TPTE: variants seen among roughly 807,000 people sequenced by gnomAD.
TPTE encodes the protein transmembrane phosphatase with tensin homology.
A neutral mutation model predicts 84.1 loss-of-function variants in TPTE; 59 were observed. The observed-to-expected ratio is 0.70, with a 90% CI of 0.57 to 0.87. TPTE has a LOEUF of 0.87. Among genes scored for constraint, TPTE ranks in the 40% least tolerant of loss-of-function variants. The probability of loss-of-function intolerance (pLI) is 0.00; values close to 1 mark genes in which losing one functional copy is unlikely to be tolerated. For synonymous variants in TPTE, 130 were observed against 223.5 expected (o/e 0.58, Z 3.73); for missense variants, 382 against 659.6 (o/e 0.58, Z 4.61).
chr21:10,561,253 G>C, intron 10 of TPTE, 62 bp downstream of exon 10: 1 of 1,595,622 alleles, frequency 6.3e-7, no homozygotes, highest in Non-Finnish European at 8.5e-7. Flanking sequence ...AAGCACTTTC[G>C]GAGGCTGAGG....
intron 17 of TPTE, among the ~76,000 whole-genome samples, chr21:10,580,838 A>C (rs1194240789): frequency 6.6e-6 from 1 of 152,312 alleles, no homozygotes; most frequent in Non-Finnish European, 1.5e-5. Context: ...GATACGAAGA[A>C]GTTGACATTG....
Position 10,561,347 on chromosome 21 carries a change from C to T in TPTE, c.446+156C>T, listed in dbSNP as rs1428026531. Among the ~76,000 whole-genome samples the T allele has an allele frequency of 4.6e-5, 7 of 152,420 alleles. No individual in the cohort carries two copies. The East Asian group carries it at 1.2e-3, about 25-fold the overall frequency. On this transcript the variant is annotated intron_variant, in intron 10 of 23. Transcript: ENST00000618007. The stretch of plus-strand genomic sequence containing the variant: ...TCTCTACTAAAAATACAAAAATTAG[C>T]TGGGCATGGTGGTGGTTGCCTGTAA...
chr21:10,573,028 A>T (rs1461868065), intron 14 of TPTE, among the ~76,000 whole-genome samples: 1 of 152,308 alleles, frequency 6.6e-6, no homozygotes, highest in Non-Finnish European at 1.5e-5. Context: ...CAAATTCCCA[A>T]TTAAAAGATA....
intron 3 of TPTE, among the ~76,000 whole-genome samples, chr21:10,528,898 G>A (rs1216560992): frequency 2.0e-5 from 3 of 152,306 alleles, no homozygotes; most frequent in African/African-American, 7.2e-5. Context: ...TGTCAAAAGT[G>A]TTTTCTGGCT....
intron 8 of TPTE, among the ~76,000 whole-genome samples, chr21:10,555,373 A>C (rs1392657774): frequency 6.6e-6 from 1 of 152,290 alleles, no homozygotes; most frequent in Non-Finnish European, 1.5e-5. Context: ...CGCCCAGCTA[A>C]TTTTTTGTAT....
chr21:10,523,606 G>A (rs945052905), intron 1 of TPTE, among the ~76,000 whole-genome samples: 13 of 152,294 alleles, frequency 8.5e-5, no homozygotes, highest in African/African-American at 3.1e-4. Context: ...TTTCATCCAT[G>A]TCCCTACAAA....
chr21:10,587,641 C>G (rs1304775893), intron 17 of TPTE, among the ~76,000 whole-genome samples: 4 of 152,308 alleles, frequency 2.6e-5, no homozygotes, highest in Non-Finnish European at 5.9e-5. Flanking sequence ...CCTCCACCTC[C>G]CAGGTTCAAG....
At chr21:10,533,936 T>G (rs891121149) in intron 3 of TPTE, among the ~76,000 whole-genome samples, 3 of 152,308 alleles carry the variant, frequency 2.0e-5, no homozygotes, top group Non-Finnish European at 4.4e-5. Context: ...AAAATGGAAG[T>G]GAGGTCCAGA....
intron 7 of TPTE, among the ~76,000 whole-genome samples, chr21:10,548,598 TC>T (rs1425687919): frequency 2.0e-5 from 3 of 152,304 alleles, no homozygotes; most frequent in African/African-American, 7.2e-5. Context: ...CAGACACATA[TC>T]CAGGACAGCT....
intron 7 of TPTE, among the ~76,000 whole-genome samples, chr21:10,544,863 A>G (rs2074436188): frequency 1.3e-5 from 2 of 152,428 alleles, no homozygotes; most frequent in Admixed American, 6.5e-5. Flanking sequence ...AGAAACAGTA[A>G]CTTGGGGATT....
At chr21:10,529,797 GT>G (rs1277056701) in intron 3 of TPTE, among the ~76,000 whole-genome samples, 3 of 152,308 alleles carry the variant, frequency 2.0e-5, no homozygotes, top group African/African-American at 7.2e-5. Context: ...TTCAGTCTAT[GT>G]TAAAACTATT....
Position 10,526,199 on chromosome 21 carries a change from T to TC in TPTE, c.-101-1155dup, listed in dbSNP as rs2074075601. Reference sequence around the variant, plus strand: ...ACCTGGATGAATTTCCAGGAGCCATTCAAGGACATGAGAACACCCACTTAG... The same window carrying TC: ...ACCTGGATGAATTTCCAGGAGCCATTCCAAGGACATGAGAACACCCACTTAG... On this transcript the variant is annotated intron_variant, in intron 2 of 23. Transcript: ENST00000618007. 2.0e-5 allele frequency among the ~76,000 whole-genome samples: 3 copies of TC among 152,310 alleles called. No individual in the cohort carries two copies. In the South Asian group the frequency reaches 6.2e-4, roughly 31 times the overall value.
chr21:10,562,283 G>C (rs1422374808), intron 10 of TPTE, among the ~76,000 whole-genome samples: 9 of 152,300 alleles, frequency 5.9e-5, no homozygotes, highest in Non-Finnish European at 1.2e-4. Flanking sequence ...AACAAGCCCT[G>C]ACAGTGAAAA....
chr21:10,521,961 AT>A (rs1024815580), intron 1 of TPTE, among the ~76,000 whole-genome samples: 16 of 137,494 alleles, frequency 1.2e-4, no homozygotes, highest in African/African-American at 4.2e-4. Flanking sequence ...GCTCCTCCTC[AT>A]TCAAACCCGG....
At chr21:10,541,813 TAGG>T (rs1185766279) in intron 5 of TPTE, among the ~76,000 whole-genome samples, 4 of 152,404 alleles carry the variant, frequency 2.6e-5, no homozygotes, top group Middle Eastern at 3.4e-3. Flanking sequence ...GAGGAGGAGG[TAGG>T]AGTACTTGGG....
chr21:10,596,279 G>A (rs1246152166), intron 20 of TPTE, among the ~76,000 whole-genome samples, 192 bp downstream of exon 20: 2 of 152,308 alleles, frequency 1.3e-5, no homozygotes, highest in Non-Finnish European at 2.9e-5. Flanking sequence ...GCCCTTAGAT[G>A]TTCTTCACTT....
chr21:10,558,663 T>C (rs2074731588), intron 8 of TPTE, among the ~76,000 whole-genome samples: 1 of 152,302 alleles, frequency 6.6e-6, no homozygotes, highest in African/African-American at 2.4e-5. Context: ...TGTCTTAGGA[T>C]TCATGGCTCT....
In TPTE at chr21:10,590,601, A is replaced by G. The variant is rs2075454934; in HGVS notation, c.1089+78A>G. 7 of 1,600,280 alleles carry G rather than the reference A, an allele frequency of 4.4e-6. No homozygotes were observed. The Admixed American group carries it at 1.2e-4, about 27-fold the overall frequency. On this transcript the variant is annotated intron_variant, in intron 18 of 23. Transcript: ENST00000618007. The stretch of plus-strand genomic sequence containing the variant: ...CTGAAACATCACTGGCAGGACATTA[A>G]GATGATTATTTTAGTCATGGTGCTT...
chr21:10,605,710 G>C lies in TPTE; in HGVS notation c.*158G>C, dbSNP rs1601001235. ...TTCATAAATCTATTACATATATATA[G>C]ATAAAATGTCAGTGTCTTTCTTCTT... On this transcript the variant is annotated 3_prime_UTR_variant, in exon 24 of 24. Transcript: ENST00000618007. 1 of 1,314,810 alleles carries C rather than the reference G, an allele frequency of 7.6e-7. No individual in the cohort carries two copies. The highest frequency in any genetic ancestry group is 3.3e-5 in the Admixed American group (1 of 30,138). 81.4% of individuals were successfully genotyped at this position (1,314,810 alleles called of 1,614,324 possible).
Sources: allele counts gnomAD v4.1 joint callset (sites outside exome capture counted in the v4.1 genomes callset), GRCh38; gene constraint gnomAD v4.1.1; transcripts MANE v1.5; gene names NCBI Gene and HGNC (gene_info 2026-07-23, HGNC 2026-07-21).